The following DPYD variants were observed in gnomAD, a reference collection of about 807,000 sequenced individuals.
DPYD encodes the protein dihydropyrimidine dehydrogenase [NADP(+)].
A neutral mutation model predicts 116.2 loss-of-function variants in DPYD; 109 were observed. That is an observed-to-expected ratio of 0.94 (90% CI 0.80 to 1.10). The LOEUF is 1.10. Among genes scored for constraint, DPYD ranks in the 50% least tolerant of loss-of-function variants. The pLI is 0.00. For synonymous variants in DPYD, 440 were observed against 432.0 expected, an observed-to-expected ratio of 1.02 and a Z score of -0.23; for missense variants, 1,302 against 1,254.5, an observed-to-expected ratio of 1.04 and a Z score of -0.57.
chr1:97,173,279 C>CACACATATGTACATATATAT (rs548861757), intron 20 of DPYD, among the ~76,000 whole-genome samples: 2 of 140,956 alleles, frequency 1.4e-5, no homozygotes, highest in East Asian at 2.1e-4. Flanking sequence ...CATATATATG[C>CACACATATGTACATATATAT]ACACATATAT....
intron 8 of DPYD, among the ~76,000 whole-genome samples, chr1:97,638,707 G>A (rs150592042): frequency 0.018 from 2,675 of 152,242 alleles, 29 homozygotes; most frequent in Non-Finnish European, 0.028. Flanking sequence ...AATCGTGGCA[G>A]AAGGGAGGGG....
At chr1:97,288,871 C>A (rs1344849165) in intron 18 of DPYD, among the ~76,000 whole-genome samples, 6 of 151,924 alleles carry the variant, frequency 3.9e-5, no homozygotes, top group African/African-American at 1.5e-4. Flanking sequence ...ACACAAAAAA[C>A]CCTTCAAAAA....
chr1:97,261,377 A>G lies in DPYD; in HGVS notation c.2300-26383T>C, dbSNP rs75809710. Among the ~76,000 whole-genome samples the G allele has an allele frequency of 2.0e-5, 3 of 152,124 alleles. No homozygotes were observed. In the East Asian group the frequency reaches 5.8e-4, roughly 29 times the overall value. On this transcript the variant is annotated intron_variant, in intron 18 of 22. Coordinates refer to ENST00000370192, the MANE Select transcript of DPYD (RefSeq NM_000110.4). ...TGTATCTGCAATCACATCTATCCAA[A>G]ATTAATGTAGAGATCCAACTGCACA...
At chr1:97,111,810 A>G (rs1201776514) in intron 20 of DPYD, among the ~76,000 whole-genome samples, 1 of 152,076 alleles carries the variant, frequency 6.6e-6, no homozygotes, top group African/African-American at 2.4e-5. Flanking sequence ...TTGTACATTT[A>G]TACACAGTAC....
At chr1:97,204,333 G>A (rs1659449423) in intron 19 of DPYD, among the ~76,000 whole-genome samples, 1 of 152,046 alleles carries the variant, frequency 6.6e-6, no homozygotes, top group Admixed American at 6.6e-5. Flanking sequence ...TTGTTTTAAT[G>A]AAGGCCAAGA....
In DPYD at chr1:97,543,793, T is replaced by A. The variant is rs147021228; in HGVS notation, c.1524+5767A>T. Among the ~76,000 whole-genome samples the A allele has an allele frequency of 4.1e-3, 619 of 152,316 alleles. 2 individuals carry two copies. The highest frequency in any genetic ancestry group is 0.014 in the African/African-American group (586 of 41,568). The stretch of plus-strand genomic sequence containing the variant: ...TCCTATGTAATAGATGAATACTTTA[T>A]TTTGAGGGTACAGCAATACATAAAC... On this transcript the variant is annotated intron_variant, in intron 12 of 22. Transcript: ENST00000370192.
rs558937794 is a variant in DPYD, at chr1:97,608,182, C to A, written c.851-13016G>T. On this transcript the variant is annotated intron_variant, in intron 8 of 22. Transcript: ENST00000370192. The stretch of plus-strand genomic sequence containing the variant: ...CAGTACAATGGAGAATATATTCGCA[C>A]TGGAGCACTTTCTCAAGAAGTAAAA... 6.6e-5 allele frequency among the ~76,000 whole-genome samples: 10 copies of A among 151,972 alleles called. No homozygotes were observed. The South Asian group carries it at 2.1e-3, about 32-fold the overall frequency.
chr1:97,176,379 C>T (rs1477442357), intron 20 of DPYD, among the ~76,000 whole-genome samples: 1 of 152,134 alleles, frequency 6.6e-6, no homozygotes, highest in Admixed American at 6.6e-5. Context: ...GTGGAGGTGG[C>T]AACTACTGCT....
chr1:97,311,238 G>C lies in DPYD; in HGVS notation c.2059-4941C>G, dbSNP rs79320797. 1.1e-3 allele frequency among the ~76,000 whole-genome samples: 170 copies of C among 151,900 alleles called. No individual in the cohort carries two copies. The East Asian group carries it at 0.022, about 20-fold the overall frequency. On this transcript the variant is annotated intron_variant, in intron 16 of 22. Transcript: ENST00000370192. ...ACATTGTGAAAAGACAAGGCACAAA[G>C]TGGGACAAGATTCTGAAGCACAATT... is the stretch of plus-strand genomic sequence containing the variant.
intron 13 of DPYD, among the ~76,000 whole-genome samples, chr1:97,474,437 G>T (rs1677837048): frequency 6.6e-6 from 1 of 151,766 alleles, no homozygotes; most frequent in Non-Finnish European, 1.5e-5. Context: ...AAATTTCTGG[G>T]GAATGTCTTT....
intron 13 of DPYD, among the ~76,000 whole-genome samples, chr1:97,484,390 T>G (rs1160390620): frequency 6.6e-6 from 1 of 152,146 alleles, no homozygotes; most frequent in Non-Finnish European, 1.5e-5. Flanking sequence ...CTTTTTTGGG[T>G]TTTTGCTTTC....
chr1:97,082,415 A>G lies in DPYD; in HGVS notation c.2822T>C (p.Val941Ala), dbSNP rs748639205. 2.5e-6 allele frequency: 4 copies of G among 1,613,676 alleles called. No individual in the cohort carries two copies. Among genetic ancestry groups the G allele is most frequent in the Middle Eastern group, 1.7e-4 (1 of 6,058 alleles). ...YLGTFGELSN[V>A]EQVVAMIDEE... The stretch of plus-strand genomic sequence containing the variant: ...ATCAATCATAGCCACAACTTGCTCT[A>G]CGTTGCTCAATTCACCAAATGTTCC... Residue 941 changes from valine to alanine, a missense_variant, in exon 22 of 23, where the codon GTA (valine) becomes GCA (alanine). By Grantham distance (64) the Val-to-Ala change is moderately conservative. Coordinates refer to ENST00000370192, the MANE Select transcript of DPYD (RefSeq NM_000110.4).
At chr1:97,399,018 G>A (rs1673186950) in intron 14 of DPYD, among the ~76,000 whole-genome samples, 1 of 152,132 alleles carries the variant, frequency 6.6e-6, no homozygotes, top group African/African-American at 2.4e-5. Flanking sequence ...TGAAGTCCTT[G>A]TCCATGCCTA....
chr1:97,404,266 T>C (rs938905736), intron 14 of DPYD, among the ~76,000 whole-genome samples: 27 of 152,226 alleles, frequency 1.8e-4, no homozygotes, highest in African/African-American at 4.8e-4. Flanking sequence ...TATTCTGTTA[T>C]TGAATGTTGT....
At chr1:97,134,316 C>G (rs1386780931) in intron 20 of DPYD, among the ~76,000 whole-genome samples, 3 of 151,878 alleles carry the variant, frequency 2.0e-5, no homozygotes. Context: ...TTGCTTTCCT[C>G]TGAAAAATGA....
rs563051141 is a variant in DPYD at position 97,702,444 on chromosome 1, A to T, written c.484-2897T>A. 4.0e-3 allele frequency among the ~76,000 whole-genome samples: 605 copies of T among 151,942 alleles called. 4 individuals carry two copies. Among genetic ancestry groups the T allele is most frequent in the Non-Finnish European group, 7.0e-3 (472 of 67,826 alleles). ...TTAGTTGAATAATTTTAGCTTTGTG[A>T]ACTAATAATTAAATATTTAACTTTC... On this transcript the variant is annotated intron_variant, in intron 5 of 22. Coordinates refer to ENST00000370192, the MANE Select transcript of DPYD (RefSeq NM_000110.4).
chr1:97,883,112 T>C, intron 2 of DPYD, 152 bp downstream of exon 2: 1 of 579,656 alleles, frequency 1.7e-6, no homozygotes, highest in South Asian at 2.4e-5. Flanking sequence ...AAAAATACAC[T>C]TTCAAACTTT....
intron 3 of DPYD, among the ~76,000 whole-genome samples, chr1:97,748,897 T>C (rs1051351587): frequency 1.3e-5 from 2 of 152,166 alleles, no homozygotes; most frequent in African/African-American, 4.8e-5. Flanking sequence ...AAATGACAGG[T>C]TGGACAACAC....
At chr1:97,647,681 A>G (rs1313091602) in intron 8 of DPYD, among the ~76,000 whole-genome samples, 3 of 152,040 alleles carry the variant, frequency 2.0e-5, no homozygotes, top group Non-Finnish European at 2.9e-5. Flanking sequence ...TTGTTATCAA[A>G]CCATATTATA....
Sources: allele counts gnomAD v4.1 joint callset (sites outside exome capture counted in the v4.1 genomes callset), GRCh38; gene constraint gnomAD v4.1.1; transcripts MANE v1.5; gene names NCBI Gene and HGNC (gene_info 2026-07-23, HGNC 2026-07-21).